CAPN14: variants seen among roughly 807,000 people sequenced by gnomAD.
CAPN14 encodes the protein calpain 14.
In CAPN14, 94 loss-of-function variants were observed where a neutral mutation model predicts 101.3. The ratio of observed to expected loss-of-function variants is 0.93; its 90% confidence interval spans 0.79 to 1.10. The LOEUF is 1.10. Ranked by LOEUF, CAPN14 falls within the 50% of genes least tolerant of loss-of-function variation. The pLI, the probability that CAPN14 is intolerant of heterozygous loss-of-function variation, is 0.00. For missense variants in CAPN14, 837 were observed against 828.4 expected, an observed-to-expected ratio of 1.01 and a Z score of -0.13; for synonymous variants, 338 against 317.9, an observed-to-expected ratio of 1.06 and a Z score of -0.67.
At chr2:31,197,559 G>A (rs1166128601) in intron 7 of CAPN14, among the ~76,000 whole-genome samples, 3 of 152,222 alleles carry the variant, frequency 2.0e-5, no homozygotes, top group Non-Finnish European at 4.4e-5. Flanking sequence ...GTGAAATAAG[G>A]TCAATAGTCA....
At chr2:31,174,789 C>T in intron 21 of CAPN14, 82 bp from the exon 22 acceptor site, 1 of 1,321,934 alleles carries the variant, frequency 7.6e-7, no homozygotes, top group South Asian at 1.3e-5. Flanking sequence ...TCCTGGGGAG[C>T]CATGGAGACA....
At chr2:31,213,056 T>C (rs531421602) in intron 1 of CAPN14, among the ~76,000 whole-genome samples, 8 of 152,240 alleles carry the variant, frequency 5.3e-5, no homozygotes, top group Admixed American at 1.3e-4. Flanking sequence ...AGACTAACTA[T>C]AGGCTTTGCC....
Position 31,174,657 on chromosome 2 carries a change from G to A in CAPN14, c.*24C>T, listed in dbSNP as rs1558606853. ...TTGGGCCACATGCAGAGTCTTCAGT[G>A]AGGGCAGGTGAGACTCAGCCTTCTC... On this transcript the variant is annotated 3_prime_UTR_variant, in exon 22 of 22. Transcript: ENST00000403897. The A allele has an allele frequency of 6.4e-7, 1 of 1,551,390 alleles. No homozygotes were observed.
chr2:31,206,397 C>T (rs995737051), intron 1 of CAPN14, among the ~76,000 whole-genome samples: 12 of 152,294 alleles, frequency 7.9e-5, no homozygotes, highest in African/African-American at 2.4e-4. Flanking sequence ...CAGATACAGA[C>T]GCCCGCCACC....
At chr2:31,220,209 T>C (rs2148705429), upstream of CAPN14, among the ~76,000 whole-genome samples, 1 of 152,094 alleles carries the variant, frequency 6.6e-6, no homozygotes, top group East Asian at 1.9e-4. Flanking sequence ...AAAAATCCAG[T>C]TGAGGAATAA....
intron 1 of CAPN14, among the ~76,000 whole-genome samples, chr2:31,233,637 T>C (rs935115419): frequency 6.6e-6 from 1 of 152,146 alleles, no homozygotes; most frequent in Non-Finnish European, 1.5e-5. Context: ...TTTGTTTTGC[T>C]GGAATGAATG....
chr2:31,193,563 T>C (rs1334574498), intron 9 of CAPN14, among the ~76,000 whole-genome samples: 1 of 152,216 alleles, frequency 6.6e-6, no homozygotes, highest in Admixed American at 6.5e-5. Flanking sequence ...GGGGGAGATG[T>C]TCCAGTTTCT....
rs1288191533 is a variant in CAPN14, at chr2:31,174,681, T to C, written c.2055A>G (p.Ter685TrpextTer3). ...TGAGGGCAGGTGAGACTCAGCCTTCTCAGGAGTACAGTGCCATCATCATCC... is the reference window on the plus strand; with the variant it reads ...TGAGGGCAGGTGAGACTCAGCCTTCCCAGGAGTACAGTGCCATCATCATCC... ...PEWMMMALYS[*>W] The change falls in exon 22 of 22, where the codon TGA (stop) becomes TGG (tryptophan). Residue 685 changes from the stop codon to tryptophan, a stop_lost. Transcript: ENST00000403897. The C allele has an allele frequency of 6.4e-7, 1 of 1,551,476 alleles. No individual in the cohort carries two copies. Among genetic ancestry groups the C allele is most frequent in the Non-Finnish European group, 8.7e-7 (1 of 1,146,996 alleles).
At chr2:31,203,166 T>A (rs1681884930) in intron 2 of CAPN14, 27 bp from the exon 3 acceptor site, 1 of 1,547,882 alleles carries the variant, frequency 6.5e-7, no homozygotes, top group Non-Finnish European at 8.7e-7. Flanking sequence ...GAATTGTCAT[T>A]CTGACCTAGA....
chr2:31,178,465 T>C, intron 18 of CAPN14, 46 bp downstream of exon 18: 1 of 1,444,354 alleles, frequency 6.9e-7, no homozygotes, highest in Non-Finnish European at 9.5e-7. Context: ...AGAACTGCCA[T>C]TCCTACACCA....
At chr2:31,179,712 C>T (rs1680495668) in intron 17 of CAPN14, among the ~76,000 whole-genome samples, 1 of 152,224 alleles carries the variant, frequency 6.6e-6, no homozygotes, top group Non-Finnish European at 1.5e-5. Context: ...TATCCACATC[C>T]TCTCCAGCAT....
rs141992784 is a variant in CAPN14, at chr2:31,201,675, T to C, written c.551+187A>G. 4.5e-4 allele frequency among the ~76,000 whole-genome samples: 68 copies of C among 152,192 alleles called. No homozygotes were observed. In the East Asian group the frequency reaches 0.01, roughly 23 times the overall value. ...TCTATCCATTAGGGAAAGGCAAAAC[T>C]CTTGAATGCAGGTTTAGATGAGGTG... On this transcript the variant is annotated intron_variant, in intron 5 of 21. Coordinates refer to ENST00000403897, the MANE Select transcript of CAPN14 (RefSeq NM_001145122.2).
intron 5 of CAPN14, among the ~76,000 whole-genome samples, chr2:31,201,405 C>T (rs139093587): frequency 6.3e-4 from 96 of 152,300 alleles, no homozygotes; most frequent in African/African-American, 2.2e-3. Context: ...GGGACCCAAG[C>T]AGGTGGATCC....
chr2:31,205,353 G>A lies in CAPN14; in HGVS notation c.95C>T (p.Ala32Val). The change falls in exon 2 of 22, where the codon GCC (alanine) becomes GTC (valine). Residue 32 changes from alanine to valine, a missense_variant. Transcript: ENST00000403897. Reference protein sequence around the residue: ...SPQQPQQDFEALLAECLRNGC... With the variant: ...SPQQPQQDFEVLLAECLRNGC... ...ATTCCTCAGGCACTCTGCCAGCAGG[G>A]CCTCAAAGTCCTGTTGGGGTTGCTG... 6.4e-7 allele frequency: 1 copy of A among 1,551,460 alleles called. No individual in the cohort carries two copies. Among genetic ancestry groups the A allele is most frequent in the South Asian group, 1.2e-5 (1 of 84,054 alleles).
chr2:31,226,234 C>G (rs1052739659), intron 2 of CAPN14, among the ~76,000 whole-genome samples: 1 of 152,142 alleles, frequency 6.6e-6, no homozygotes, highest in Non-Finnish European at 1.5e-5. Context: ...CTTTGTCTGC[C>G]TGTGTATTTT....
At chr2:31,229,901 C>G (rs1357974770) in intron 1 of CAPN14, among the ~76,000 whole-genome samples, 1 of 152,094 alleles carries the variant, frequency 6.6e-6, no homozygotes, top group Non-Finnish European at 1.5e-5. Context: ...TTTTGCATGA[C>G]CTGAAACATT....
chr2:31,221,446 T>C (rs1478020439), upstream of CAPN14, among the ~76,000 whole-genome samples: 1 of 152,184 alleles, frequency 6.6e-6, no homozygotes, highest in African/African-American at 2.4e-5. Flanking sequence ...CTAAGGAACA[T>C]ATTTCTAACC....
Position 31,176,646 on chromosome 2 carries a change from T to C in CAPN14, c.1973-4A>G, listed in dbSNP as rs1029411788. ...TGGGTTAAGTTTTGGAAGACATCTG[T>C]GAAAATGCAGCAGAAAGGAATACAG... is the stretch of plus-strand genomic sequence containing the variant. On this transcript the variant is annotated splice_region_variant and splice_polypyrimidine_tract_variant and intron_variant, in intron 20 of 21. Transcript: ENST00000403897. 2.6e-6 allele frequency: 4 copies of C among 1,550,702 alleles called. No individual in the cohort carries two copies. The African/African-American group carries it at 4.1e-5, about 16-fold the overall frequency.
chr2:31,202,758 G>T (rs1822497), intron 3 of CAPN14, among the ~76,000 whole-genome samples: 2 of 152,056 alleles, frequency 1.3e-5, no homozygotes, highest in African/African-American at 2.4e-5. Flanking sequence ...TCTCAAGAAG[G>T]ACCCATTGTG....
Sources: allele counts gnomAD v4.1 joint callset (sites outside exome capture counted in the v4.1 genomes callset), GRCh38; gene constraint gnomAD v4.1.1; transcripts MANE v1.5; gene names NCBI Gene and HGNC (gene_info 2026-07-23, HGNC 2026-07-21).